PPP6R1: variants seen among roughly 807,000 people sequenced by gnomAD.
PPP6R1 encodes the protein protein phosphatase 6 regulatory subunit 1, also known as serine/threonine-protein phosphatase 6 regulatory subunit 1.
A neutral mutation model predicts 104.6 loss-of-function variants in PPP6R1; 39 were observed. The ratio of observed to expected loss-of-function variants is 0.37; its 90% CI spans 0.29 to 0.49. The LOEUF is 0.49. PPP6R1 is among the 20% of genes least tolerant of loss of function. PPP6R1 has a pLI of 0.98. For synonymous variants in PPP6R1, 549 were observed against 479.0 expected, an observed-to-expected ratio of 1.15 and a Z score of -1.91; for missense variants, 1,181 against 1,155.8, an observed-to-expected ratio of 1.02 and a Z score of -0.32.
At position 55,240,195 on chromosome 19, in the gene PPP6R1, A is replaced by C. The variant is rs749639555; in HGVS notation, c.1361+41T>G. On this transcript the variant is annotated intron_variant, in intron 11 of 23. Transcript: ENST00000412770. ...CCCCAGCCCGGCCCCCCATCCAGGC[A>C]GCCCCAGCCCCTGGAGACATGAAGG... 9 of 1,566,130 alleles carry C rather than the reference A, an allele frequency of 5.7e-6. No homozygotes were observed. The South Asian group carries it at 1.1e-4, about 18-fold the overall frequency.
Position 55,232,228 on chromosome 19 carries a change from C to G in PPP6R1, c.1989-17G>C. 3 of 1,531,172 alleles carry G rather than the reference C, an allele frequency of 2.0e-6. No individual in the cohort carries two copies. In the South Asian group the frequency reaches 3.7e-5, roughly 19 times the overall value. The allele number at this position is 1,531,172 out of a possible 1,614,324, so 94.8% of individuals were successfully genotyped here. Reference sequence around the variant, plus strand: ...CCTCCACTCCTGCCCCAGAAACCACCTCGTCAGCTAGCTGTGTGGGACAGA... The same window carrying G: ...CCTCCACTCCTGCCCCAGAAACCACGTCGTCAGCTAGCTGTGTGGGACAGA... On this transcript the variant is annotated splice_polypyrimidine_tract_variant and intron_variant, in intron 17 of 23. Coordinates refer to ENST00000412770, the MANE Select transcript of PPP6R1 (RefSeq NM_014931.4).
At chr19:55,230,984 G>A (rs769535636) in intron 21 of PPP6R1, 100 bp from the exon 22 acceptor site, 9 of 1,022,708 alleles carry the variant, frequency 8.8e-6, no homozygotes, top group South Asian at 7.0e-5. Flanking sequence ...CTGGGTGTGT[G>A]TCTGCCACCT....
At chr19:55,235,520 T>C (rs963643856) in intron 17 of PPP6R1, among the ~76,000 whole-genome samples, 2 of 147,008 alleles carry the variant, frequency 1.4e-5, no homozygotes, top group Non-Finnish European at 3.0e-5. Context: ...ATTAGATTCC[T>C]TTTTTTTTTT....
intron 17 of PPP6R1, among the ~76,000 whole-genome samples, chr19:55,233,777 T>C (rs1205444998): frequency 6.6e-6 from 1 of 152,178 alleles, no homozygotes; most frequent in Non-Finnish European, 1.5e-5. Flanking sequence ...GAAAGAAATT[T>C]TAAGACCTAT....
chr19:55,249,914 C>A (rs1434244127), intron 1 of PPP6R1, among the ~76,000 whole-genome samples: 4 of 152,180 alleles, frequency 2.6e-5, no homozygotes, highest in Admixed American at 2.6e-4. Context: ...CTCCACCAAG[C>A]CTGCATCCAG....
In PPP6R1 at chr19:55,231,674, A is replaced by AG; in HGVS notation, c.2307-7dup. On this transcript the variant is annotated splice_region_variant and splice_polypyrimidine_tract_variant and intron_variant, in intron 19 of 23. Transcript: ENST00000412770. ...GGGGTGTGGGGTCCTGAGACCTGGTAGGCGAGAGAGGCAGCCCAAGGGGGC... is the reference window on the plus strand; with the variant it reads ...GGGGTGTGGGGTCCTGAGACCTGGTAGGGCGAGAGAGGCAGCCCAAGGGGGC... The AG allele has an allele frequency of 6.3e-7, 1 of 1,594,510 alleles. No homozygotes were observed. Among genetic ancestry groups the AG allele is most frequent in the South Asian group, 1.1e-5 (1 of 87,998 alleles).
chr19:55,236,593 C>T (rs1260317417), intron 17 of PPP6R1, 50 bp downstream of exon 17: 6 of 1,464,748 alleles, frequency 4.1e-6, no homozygotes, highest in African/African-American at 2.8e-5. Context: ...GACCCCTTGG[C>T]CCTGCCGTGT....
At chr19:55,246,154 A>G (rs1210023600) in intron 2 of PPP6R1, among the ~76,000 whole-genome samples, 3 of 152,202 alleles carry the variant, frequency 2.0e-5, no homozygotes, top group Non-Finnish European at 4.4e-5. Flanking sequence ...CTGAGGGGCC[A>G]CAGTCTGCTC....
At chr19:55,230,738 A>ACCCGCC in intron 22 of PPP6R1, 36 bp downstream of exon 22, 1 of 925,648 alleles carries the variant, frequency 1.1e-6, no homozygotes, top group Non-Finnish European at 1.6e-6. Flanking sequence ...CACCAGCCCC[A>ACCCGCC]CCCCCACCCC....
At position 55,231,661 on chromosome 19, in the gene PPP6R1, C is replaced by A; in HGVS notation, c.2314G>T (p.Asp772Tyr). 1 of 1,605,930 alleles carries A rather than the reference C, an allele frequency of 6.2e-7. No individual in the cohort carries two copies. The highest frequency in any genetic ancestry group is 1.1e-5 in the South Asian group (1 of 89,906). The change falls in exon 20 of 24, where the codon GAC (aspartate) becomes TAC (tyrosine). Residue 772 changes from aspartate to tyrosine, a missense_variant. This residue lies in a region of PPP6R1 where 1,042 missense variants were observed against 955.6 expected (regional missense o/e 1.09). Transcript: ENST00000412770. ...ARDALQLRSQDPTPPSAPQEA... is the reference protein window; with the variant it reads ...ARDALQLRSQYPTPPSAPQEA... Reference sequence around the variant, plus strand: ...TGAGGTGCTGAGGGGGGTGTGGGGTCCTGAGACCTGGTAGGCGAGAGAGGC... The same window carrying A: ...TGAGGTGCTGAGGGGGGTGTGGGGTACTGAGACCTGGTAGGCGAGAGAGGC...
At chr19:55,244,604 G>C (rs1600112019) in intron 5 of PPP6R1, among the ~76,000 whole-genome samples, 2 of 152,238 alleles carry the variant, frequency 1.3e-5, no homozygotes, top group Admixed American at 6.5e-5. Context: ...TATGTGCCAA[G>C]TTCCTGGGTC....
At chr19:55,228,437 G>A (rs139225645), downstream of PPP6R1, 36 of 1,610,956 alleles carry the variant, frequency 2.2e-5, no homozygotes, top group Admixed American at 5.0e-5. Flanking sequence ...ACATCTGGGC[G>A]CTTTGGGGAG....
rs1222647806 is a variant in PPP6R1 at position 55,241,624 on chromosome 19, G to A, written c.861C>T (p.Thr287=). 5 of 1,581,142 alleles carry A rather than the reference G, an allele frequency of 3.2e-6. No homozygotes were observed. In the African/African-American group the frequency reaches 6.8e-5, roughly 21 times the overall value. ...CCACACTGCTGAAGAAGCTGTTCACGGTCACGGACTCGGACCTGCAGCAGG... is the reference window on the plus strand; with the variant it reads ...CCACACTGCTGAAGAAGCTGTTCACAGTCACGGACTCGGACCTGCAGCAGG... The part of the protein sequence containing the change: ...EPRRPRSESV[T]VNSFFSSVDG... Residue 287 remains threonine (T), a synonymous_variant, in exon 8 of 24, where the codon ACC becomes ACT. Transcript: ENST00000412770. The surrounding 1 kb of genome is among the most constrained non-coding windows in gnomAD (Gnocchi z 5.4).
In PPP6R1 at chr19:55,241,970, G is replaced by A. The variant is rs1041383254; in HGVS notation, c.845+196C>T. Among the ~76,000 whole-genome samples, 4 of 152,124 alleles carry A rather than the reference G, an allele frequency of 2.6e-5. No homozygotes were observed. The highest frequency in any genetic ancestry group is 7.2e-5 in the African/African-American group (3 of 41,426). Reference sequence around the variant, plus strand: ...CTGCAGCAGTGGCCTCAGCCTCAGTGCCCTCACTTGTCAAAGCAGACAAGA... The same window carrying A: ...CTGCAGCAGTGGCCTCAGCCTCAGTACCCTCACTTGTCAAAGCAGACAAGA... On this transcript the variant is annotated intron_variant, in intron 7 of 23. Coordinates refer to ENST00000412770, the MANE Select transcript of PPP6R1 (RefSeq NM_014931.4). The surrounding 1 kb of genome is among the most constrained non-coding windows in gnomAD (Gnocchi z 5.4).
chr19:55,237,020 C>A (rs1322932031), intron 15 of PPP6R1, 50 bp from the exon 16 acceptor site: 1 of 1,515,530 alleles, frequency 6.6e-7, no homozygotes, highest in Non-Finnish European at 9.1e-7. Context: ...GGGGTGGGGG[C>A]AGCACAGGAC....
chr19:55,245,387 G>A lies in PPP6R1; in HGVS notation c.430C>T (p.Arg144Trp), dbSNP rs754669981. The change falls in exon 4 of 24, where the codon CGG (arginine) becomes TGG (tryptophan). Residue 144 changes from arginine (R) to tryptophan (W), a missense_variant. By Grantham distance (101) the Arg-to-Trp change is moderately radical. Coordinates refer to ENST00000412770, the MANE Select transcript of PPP6R1 (RefSeq NM_014931.4). This position sits in a 1 kb window ranked among gnomAD's most constrained non-coding sequence, Gnocchi z 6.4. ...AGGTCCACGAAGTCATCCTTCTTCC[G>A]AAGAAAGGACACGAGCTGGGGGCAC... ...RKTDQLVSFL[R>W]KKDDFVDLLL... 6 of 1,613,364 alleles carry A rather than the reference G, an allele frequency of 3.7e-6. No homozygotes were observed. The highest frequency in any genetic ancestry group is 2.7e-5 in the African/African-American group (2 of 74,928).
Position 55,241,217 on chromosome 19 carries a change from C to G in PPP6R1, c.1161+22G>C, listed in dbSNP as rs913279993. The G allele has an allele frequency of 4.6e-6, 7 of 1,531,222 alleles. No homozygotes were observed. The highest frequency in any genetic ancestry group is 3.9e-5 in the Admixed American group (2 of 50,836). 94.9% of individuals were successfully genotyped at this position (1,531,222 alleles called of 1,614,324 possible). The stretch of plus-strand genomic sequence containing the variant: ...GTCCCCGCCCCAGCCCCTGAACCCC[C>G]AGCCCGGTCCAGTCCCCGCACCAGC... On this transcript the variant is annotated intron_variant, in intron 9 of 23. Transcript: ENST00000412770. The surrounding 1 kb of genome is among the most constrained non-coding windows in gnomAD (Gnocchi z 5.4).
Position 55,239,928 on chromosome 19 carries a change from G to A in PPP6R1, c.1478-17C>T, listed in dbSNP as rs1381111628. 1.1e-5 allele frequency: 17 copies of A among 1,613,546 alleles called. No individual in the cohort carries two copies. The South Asian group carries it at 1.6e-4, about 16-fold the overall frequency. ...TGGGCAGCTCTGCTTAGGTGAGAGG[G>A]GTGAAGACGTGAGGCATCTCGGGGC... On this transcript the variant is annotated splice_polypyrimidine_tract_variant and intron_variant, in intron 12 of 23. Transcript: ENST00000412770.
rs371125487 is a variant in PPP6R1 at position 55,239,574 on chromosome 19, C to A, written c.1653+20G>T. ...CACTCCAGCATAGCCCAGCACAGCC[C>A]CACATAGCCCCACGCCCACCTGCTG... is the stretch of plus-strand genomic sequence containing the variant. On this transcript the variant is annotated intron_variant, in intron 14 of 23. Coordinates refer to ENST00000412770, the MANE Select transcript of PPP6R1 (RefSeq NM_014931.4). 5.6e-6 allele frequency: 9 copies of A among 1,609,556 alleles called. No homozygotes were observed. In the South Asian group the frequency reaches 7.7e-5, roughly 14 times the overall value.
Sources: allele counts gnomAD v4.1 joint callset (sites outside exome capture counted in the v4.1 genomes callset), GRCh38; gene constraint gnomAD v4.1.1; regional missense constraint gnomAD v4.1.1; non-coding constraint Gnocchi (gnomAD v3.1); transcripts MANE v1.5; gene names NCBI Gene and HGNC (gene_info 2026-07-23, HGNC 2026-07-21).